Variants in NUBPL observed in about 807,000 individuals in gnomAD.
NUBPL encodes NUBP iron-sulfur cluster assembly factor, mitochondrial.
NUBPL carries 31 observed loss-of-function variants against 45.7 expected under a neutral mutation model. That is an observed-to-expected ratio of 0.68 (90% CI 0.51 to 0.92). The LOEUF (loss-of-function observed/expected upper bound fraction) is 0.92. Ranked by LOEUF, NUBPL falls within the 40% of genes least tolerant of loss-of-function variation. NUBPL has a pLI of 0.00. For synonymous variants in NUBPL, 144 were observed against 140.9 expected (o/e 1.02, Z -0.15); for missense variants, 401 against 398.7 (o/e 1.01, Z -0.05).
chr14:31,621,079 C>G (rs1249746080), intron 4 of NUBPL, among the ~76,000 whole-genome samples: 1 of 152,232 alleles, frequency 6.6e-6, no homozygotes, highest in Non-Finnish European at 1.5e-5. Context: ...TTTGTTTACA[C>G]TGTGAGGGTA....
intron 4 of NUBPL, among the ~76,000 whole-genome samples, chr14:31,618,016 T>C (rs1258164887): frequency 6.6e-6 from 1 of 152,212 alleles, no homozygotes; most frequent in Non-Finnish European, 1.5e-5. Context: ...AAGGTGTATG[T>C]CCAGGAATTT....
At chr14:31,819,069 CT>C (rs957756997) in intron 7 of NUBPL, among the ~76,000 whole-genome samples, 1 of 152,122 alleles carries the variant, frequency 6.6e-6, no homozygotes, top group Non-Finnish European at 1.5e-5. Context: ...ATGTTTCTTT[CT>C]GCTGATACTA....
chr14:31,643,601 C>G (rs942544992), intron 4 of NUBPL, among the ~76,000 whole-genome samples: 7 of 151,966 alleles, frequency 4.6e-5, no homozygotes, highest in Admixed American at 3.9e-4. Context: ...GTTGTTGGGT[C>G]TATAGTTTTC....
chr14:31,571,184 T>A lies in NUBPL; in HGVS notation c.291+6136T>A, dbSNP rs762081116. Among the ~76,000 whole-genome samples the A allele has an allele frequency of 2.2e-4, 33 of 152,310 alleles. 1 individual carries two copies. Among genetic ancestry groups the A allele is most frequent in the South Asian group, 4.1e-4 (2 of 4,824 alleles). The stretch of plus-strand genomic sequence containing the variant: ...TGTTACCTTTCACCAGCTTTATGTG[T>A]CCTATCTTTCAGGCTTCCTTATATG... On this transcript the variant is annotated intron_variant, in intron 3 of 10. Coordinates refer to ENST00000281081, the MANE Select transcript of NUBPL (RefSeq NM_025152.3).
intron 4 of NUBPL, among the ~76,000 whole-genome samples, chr14:31,625,137 T>C (rs778660288): frequency 2.0e-5 from 3 of 152,046 alleles, no homozygotes; most frequent in East Asian, 1.9e-4. Flanking sequence ...GAAGAGGTGA[T>C]CAGAGAAGTA....
chr14:31,627,740 T>C (rs1183474170), intron 4 of NUBPL, among the ~76,000 whole-genome samples: 1 of 138,930 alleles, frequency 7.2e-6, no homozygotes, highest in Non-Finnish European at 1.5e-5. Flanking sequence ...CACTCCAGCC[T>C]GGGTGACAGA....
chr14:31,645,162 T>C (rs1227356540), intron 4 of NUBPL, among the ~76,000 whole-genome samples: 2 of 151,480 alleles, frequency 1.3e-5, no homozygotes, highest in Non-Finnish European at 2.9e-5. Context: ...GCCTCCCGGG[T>C]TCACGCCATT....
At position 31,735,486 on chromosome 14, in the gene NUBPL, A is replaced by G. The variant is rs111244100; in HGVS notation, c.514-52294A>G. 6.9e-4 allele frequency among the ~76,000 whole-genome samples: 105 copies of G among 152,242 alleles called. 2 individuals carry two copies. The highest frequency in any genetic ancestry group is 2.2e-3 in the African/African-American group (90 of 41,542). ...AAGTATAGGGGATTGGTGTATGTCT[A>G]TTTTGTGTCTGCTTCTTAAATGTTT... On this transcript the variant is annotated intron_variant, in intron 6 of 10. Transcript: ENST00000281081.
rs1372218885 is a variant in NUBPL at position 31,640,038 on chromosome 14, G to A, written c.383-33317G>A. On this transcript the variant is annotated intron_variant, in intron 4 of 10. Coordinates refer to ENST00000281081, the MANE Select transcript of NUBPL (RefSeq NM_025152.3). ...AACTCCCTGACCCGTTGTGCTTCCT[G>A]AGCGAGGCAGTGCCTCGCCCTGCTT... Among the ~76,000 whole-genome samples the A allele has an allele frequency of 3.9e-5, 6 of 152,160 alleles. No individual in the cohort carries two copies. In the East Asian group the frequency reaches 1.2e-3, roughly 29 times the overall value.
At chr14:31,839,450 T>C (rs759844193) in intron 8 of NUBPL, among the ~76,000 whole-genome samples, 1 of 152,156 alleles carries the variant, frequency 6.6e-6, no homozygotes, top group Non-Finnish European at 1.5e-5. Context: ...TCACACCATA[T>C]ATAAAAATCA....
rs2040686166 is a variant in NUBPL, at chr14:31,859,969, G to A, written c.*789G>A. 1 of 152,026 alleles carries A rather than the reference G, an allele frequency of 6.6e-6. No individual in the cohort carries two copies. The highest frequency in any genetic ancestry group is 2.4e-5 in the African/African-American group (1 of 41,372). 9.4% of individuals were successfully genotyped at this position (152,026 alleles called of 1,614,324 possible). The stretch of plus-strand genomic sequence containing the variant: ...TTTGAACTTGAGTAATTCGATATTA[G>A]ATTCATCTTTTTGTACACCAATGTG... On this transcript the variant is annotated 3_prime_UTR_variant, in exon 11 of 11. Transcript: ENST00000281081.
At chr14:31,705,432 T>C (rs1351620612) in intron 6 of NUBPL, among the ~76,000 whole-genome samples, 1 of 152,180 alleles carries the variant, frequency 6.6e-6, no homozygotes, top group Non-Finnish European at 1.5e-5. Flanking sequence ...ATTGGTCCAT[T>C]TTACAGAGAG....
chr14:31,714,554 G>C (rs370306506), intron 6 of NUBPL: 1 of 153,162 alleles, frequency 6.5e-6, no homozygotes, highest in Admixed American at 6.5e-5. Flanking sequence ...AGAGACAGGC[G>C]GGAGACCCCA....
intron 4 of NUBPL, among the ~76,000 whole-genome samples, chr14:31,655,888 G>A (rs2036129739): frequency 6.6e-6 from 1 of 152,180 alleles, no homozygotes; most frequent in Admixed American, 6.5e-5. Context: ...TATTAAGAGA[G>A]TAAACCTATT....
At chr14:31,692,452 C>T (rs1035962673) in intron 6 of NUBPL, among the ~76,000 whole-genome samples, 9 of 152,202 alleles carry the variant, frequency 5.9e-5, no homozygotes, top group African/African-American at 2.2e-4. Context: ...ATGTCAGCAC[C>T]TGCTGTGGTC....
intron 6 of NUBPL, among the ~76,000 whole-genome samples, chr14:31,730,928 G>A (rs2139975744): frequency 6.6e-6 from 1 of 152,178 alleles, no homozygotes; most frequent in African/African-American, 2.4e-5. Context: ...AGATAATCAG[G>A]CATGGAAGGA....
At chr14:31,792,744 A>T (rs981137078) in intron 7 of NUBPL, among the ~76,000 whole-genome samples, 2 of 152,178 alleles carry the variant, frequency 1.3e-5, no homozygotes, top group African/African-American at 4.8e-5. Context: ...ACCAAAAAGG[A>T]TGTTGAAGGG....
intron 3 of NUBPL, among the ~76,000 whole-genome samples, chr14:31,567,552 A>T (rs2139452479): frequency 6.6e-6 from 1 of 151,992 alleles, no homozygotes; most frequent in Middle Eastern, 3.4e-3. Context: ...ATTGGACTTT[A>T]GTTGTTATTA....
intron 6 of NUBPL, among the ~76,000 whole-genome samples, chr14:31,758,815 T>A (rs1000215309): frequency 5.3e-5 from 8 of 152,216 alleles, no homozygotes; most frequent in Admixed American, 5.2e-4. Context: ...AATAAAATGA[T>A]CTGTTTTACT....
Sources: gnomAD v4.1 joint callset for allele counts (sites outside exome capture counted in the v4.1 genomes callset) on GRCh38, gnomAD v4.1.1 for gene constraint, MANE v1.5 for transcripts, NCBI Gene and HGNC (gene_info 2026-07-23, HGNC 2026-07-21) for gene names.